The following KCNQ1OT1 variants were observed in gnomAD, a reference collection of about 807,000 sequenced individuals.
KCNQ1OT1 encodes KCNQ1 antisense RNA 2 (non-protein coding).
exon 1 of KCNQ1OT1, chr11:2,644,715 C>A: frequency 2.5e-6 from 1 of 398,478 alleles, no homozygotes. Flanking sequence ...GAGTCTTGTT[C>A]CTGAAGATAT....
exon 1 of KCNQ1OT1, chr11:2,667,699 T>C (rs2133864507): frequency 5.0e-6 from 2 of 398,698 alleles, no homozygotes; most frequent in Middle Eastern, 6.3e-4. Context: ...GGTGACCTAG[T>C]CAGGAAGTCT....
rs1849755451 is a variant in KCNQ1OT1, at chr11:2,651,455, A to G, written n.48540T>C. 5.0e-6 allele frequency: 2 copies of G among 398,636 alleles called. No homozygotes were observed. The highest frequency in any genetic ancestry group is 2.1e-5 in the African/African-American group (1 of 48,648). The allele number at this position is 398,636 out of a possible 1,614,324, so 24.7% of individuals were successfully genotyped here. A position where few individuals can be genotyped will look rare whatever the true frequency, so the allele number is the denominator to read the frequency against. ...TCAGCAAGTGCCTGAAGTCAGAGGT[A>G]GTGCTTATGAAAGTATCTGGTGGGC... On this transcript the variant is annotated non_coding_transcript_exon_variant, in exon 1 of 1. Transcript: ENST00000597346. The surrounding 1 kb of genome is among the most constrained non-coding windows in gnomAD (Gnocchi z 6.1).
exon 1 of KCNQ1OT1, chr11:2,680,021 G>A: frequency 2.5e-6 from 1 of 396,438 alleles, no homozygotes. Context: ...AGCCTCCCTA[G>A]TAGCTGGGAC....
At chr11:2,641,426 G>A (rs931052069) in exon 1 of KCNQ1OT1, 8 of 397,412 alleles carry the variant, frequency 2.0e-5, no homozygotes, top group African/African-American at 1.2e-4. Flanking sequence ...TTGGCTACTT[G>A]TATGTTTTCT....
At position 2,679,896 on chromosome 11, in the gene KCNQ1OT1, T is replaced by TA. The variant is rs1216478067; in HGVS notation, n.20098dup. The TA allele has an allele frequency of 1.0e-5, 4 of 397,944 alleles. No individual in the cohort carries two copies. Among genetic ancestry groups the TA allele is most frequent in the Non-Finnish European group, 1.8e-5 (4 of 226,030 alleles). 24.7% of individuals were successfully genotyped at this position (397,944 alleles called of 1,614,324 possible). ...GAACTAGCACGCCTAATTTTTTTTT[T>TA]ATTTTTATTTTTTTTGAGGCAGAGT... On this transcript the variant is annotated non_coding_transcript_exon_variant, in exon 1 of 1. Transcript: ENST00000597346. The surrounding 1 kb of genome is among the most constrained non-coding windows in gnomAD (Gnocchi z 4.8).
chr11:2,693,620 G>C, exon 1 of KCNQ1OT1: 1 of 398,606 alleles, frequency 2.5e-6, no homozygotes, highest in Non-Finnish European at 4.4e-6. Flanking sequence ...CAAGAGCTTC[G>C]CCCAGCCGTA....
rs552608899 is a variant in KCNQ1OT1, at chr11:2,618,305, G to A, written n.81690C>T. 1.8e-5 allele frequency: 7 copies of A among 398,334 alleles called. No individual in the cohort carries two copies. The East Asian group carries it at 2.1e-4, about 12-fold the overall frequency. 24.7% of individuals were successfully genotyped at this position (398,334 alleles called of 1,614,324 possible). ...ACACTAACAATAACAACAGCTGATG[G>A]GCTAAAAAAATGCAAAAAAATTCAA... On this transcript the variant is annotated non_coding_transcript_exon_variant, in exon 1 of 1. Transcript: ENST00000597346.
In KCNQ1OT1 at chr11:2,657,822, T is replaced by C; in HGVS notation, n.42173A>G. On this transcript the variant is annotated non_coding_transcript_exon_variant, in exon 1 of 1. Coordinates refer to ENST00000597346, the Ensembl canonical transcript of KCNQ1OT1. This position sits in a 1 kb window ranked among gnomAD's most constrained non-coding sequence, Gnocchi z 4.8. The stretch of plus-strand genomic sequence containing the variant: ...GGTGTCATTGTCCCTCAGTTTGGAT[T>C]TGTCTGGTGTTTTCTCAGGACTAGA... The C allele has an allele frequency of 2.5e-6, 1 of 398,636 alleles. No homozygotes were observed. The highest frequency in any genetic ancestry group is 4.4e-6 in the Non-Finnish European group (1 of 226,070). The allele number at this position is 398,636 out of a possible 1,614,324, so 24.7% of individuals were successfully genotyped here.
At position 2,694,264 on chromosome 11, in the gene KCNQ1OT1, G is replaced by T. The variant is rs1033240917; in HGVS notation, n.5731C>A. 19 of 398,544 alleles carry T rather than the reference G, an allele frequency of 4.8e-5. No individual in the cohort carries two copies. The highest frequency in any genetic ancestry group is 8.0e-5 in the Non-Finnish European group (18 of 226,096). The allele number at this position is 398,544 out of a possible 1,614,324, so 24.7% of individuals were successfully genotyped here. A position where few individuals can be genotyped will look rare whatever the true frequency, so the allele number is the denominator to read the frequency against. On this transcript the variant is annotated non_coding_transcript_exon_variant, in exon 1 of 1. Transcript: ENST00000597346. ...CAAGCCAGGGCCTGCTGCCTTTAAAGAGCCACAGCAGAGACACCATCCCAG... is the reference window on the plus strand; with the variant it reads ...CAAGCCAGGGCCTGCTGCCTTTAAATAGCCACAGCAGAGACACCATCCCAG...
chr11:2,673,831 C>T lies in KCNQ1OT1; in HGVS notation n.26164G>A. 2.5e-6 allele frequency: 1 copy of T among 398,800 alleles called. No individual in the cohort carries two copies. The highest frequency in any genetic ancestry group is 4.4e-6 in the Non-Finnish European group (1 of 226,204). 24.7% of individuals were successfully genotyped at this position (398,800 alleles called of 1,614,324 possible). ...TTCAATCCCAGGCCCACAAGCACCACAGCCAGGAGAGTCAAGGTTGGATAT... is the reference window on the plus strand; with the variant it reads ...TTCAATCCCAGGCCCACAAGCACCATAGCCAGGAGAGTCAAGGTTGGATAT... On this transcript the variant is annotated non_coding_transcript_exon_variant, in exon 1 of 1. Coordinates refer to ENST00000597346, the Ensembl canonical transcript of KCNQ1OT1. The surrounding 1 kb of genome is among the most constrained non-coding windows in gnomAD (Gnocchi z 4.5).
chr11:2,647,898 T>A lies in KCNQ1OT1; in HGVS notation n.52097A>T, dbSNP rs146248373. 1.7e-3 allele frequency: 665 copies of A among 398,490 alleles called. 5 individuals carry two copies. Among genetic ancestry groups the A allele is most frequent in the African/African-American group, 0.011 (539 of 48,686 alleles). The allele number at this position is 398,490 out of a possible 1,614,324, so 24.7% of individuals were successfully genotyped here. A position where few individuals can be genotyped will look rare whatever the true frequency, so the allele number is the denominator to read the frequency against. On this transcript the variant is annotated non_coding_transcript_exon_variant, in exon 1 of 1. Transcript: ENST00000597346. The surrounding 1 kb of genome is among the most constrained non-coding windows in gnomAD (Gnocchi z 4.0). The stretch of plus-strand genomic sequence containing the variant: ...TTCTTGGTTAGTCTAGCTAATGGTT[T>A]ATTGATTTTCTCTTTTCAAAAAATC...
rs189162674 is a variant in KCNQ1OT1 at position 2,658,396 on chromosome 11, T to C, written n.41599A>G. ...TTTTTTGAGTTATAGTCCAATATTA[T>C]TTATTTTGTTGCTCAAATTGTTCAA... On this transcript the variant is annotated non_coding_transcript_exon_variant, in exon 1 of 1. Coordinates refer to ENST00000597346, the Ensembl canonical transcript of KCNQ1OT1. This position sits in a 1 kb window ranked among gnomAD's most constrained non-coding sequence, Gnocchi z 4.9. 25 of 398,604 alleles carry C rather than the reference T, an allele frequency of 6.3e-5. No homozygotes were observed. Among genetic ancestry groups the C allele is most frequent in the African/African-American group, 4.7e-4 (23 of 48,744 alleles). The allele number at this position is 398,604 out of a possible 1,614,324, so 24.7% of individuals were successfully genotyped here.
chr11:2,617,558 A>C lies in KCNQ1OT1; in HGVS notation n.82437T>G. ...GATATCTTTATGAGGTGGAGATTTC[A>C]TTTTCTTTGGGAATATACCTAGAAG... is the stretch of plus-strand genomic sequence containing the variant. On this transcript the variant is annotated non_coding_transcript_exon_variant, in exon 1 of 1. Coordinates refer to ENST00000597346, the Ensembl canonical transcript of KCNQ1OT1. This position sits in a 1 kb window ranked among gnomAD's most constrained non-coding sequence, Gnocchi z 4.6. 1 of 398,436 alleles carries C rather than the reference A, an allele frequency of 2.5e-6. No homozygotes were observed. Among genetic ancestry groups the C allele is most frequent in the Non-Finnish European group, 4.4e-6 (1 of 225,954 alleles). The allele number at this position is 398,436 out of a possible 1,614,324, so 24.7% of individuals were successfully genotyped here.
At position 2,620,585 on chromosome 11, in the gene KCNQ1OT1, C is replaced by T. The variant is rs1849153771; in HGVS notation, n.79410G>A. The T allele has an allele frequency of 2.5e-6, 1 of 397,168 alleles. No homozygotes were observed. Among genetic ancestry groups the T allele is most frequent in the African/African-American group, 2.1e-5 (1 of 48,596 alleles). 24.6% of individuals were successfully genotyped at this position (397,168 alleles called of 1,614,324 possible). A position where few individuals can be genotyped will look rare whatever the true frequency, so the allele number is the denominator to read the frequency against. The stretch of plus-strand genomic sequence containing the variant: ...TGTACCACATTTTCTTTATCCAATC[C>T]ACCACTGATGGGCATCTAAGTGGAT... On this transcript the variant is annotated non_coding_transcript_exon_variant, in exon 1 of 1. Coordinates refer to ENST00000597346, the Ensembl canonical transcript of KCNQ1OT1. The surrounding 1 kb of genome is among the most constrained non-coding windows in gnomAD (Gnocchi z 4.5).
exon 1 of KCNQ1OT1, chr11:2,667,524 C>T (rs1348837832): frequency 3.1e-6 from 1 of 325,576 alleles, no homozygotes; most frequent in African/African-American, 2.3e-5. Flanking sequence ...GGGCAAAGGA[C>T]TTCACAACTG....
chr11:2,639,376 A>G (rs576314379), exon 1 of KCNQ1OT1: 1 of 152,308 alleles, frequency 6.6e-6, no homozygotes, highest in Admixed American at 6.5e-5. Flanking sequence ...ATGGTGACGT[A>G]TAGATGGAGT....
At chr11:2,629,384 A>T (rs1327893368) in exon 1 of KCNQ1OT1, 1 of 398,474 alleles carries the variant, frequency 2.5e-6, no homozygotes, top group African/African-American at 2.1e-5. Context: ...TTCATATTAT[A>T]TCCAAATGAA....
At position 2,679,918 on chromosome 11, in the gene KCNQ1OT1, G is replaced by A. The variant is rs918549239; in HGVS notation, n.20077C>T. On this transcript the variant is annotated non_coding_transcript_exon_variant, in exon 1 of 1. Transcript: ENST00000597346. This position sits in a 1 kb window ranked among gnomAD's most constrained non-coding sequence, Gnocchi z 4.8. Reference sequence around the variant, plus strand: ...TTTTATTTTTATTTTTTTTGAGGCAGAGTCTCACTTTGTCACCTAGGCGGG... The same window carrying A: ...TTTTATTTTTATTTTTTTTGAGGCAAAGTCTCACTTTGTCACCTAGGCGGG... The A allele has an allele frequency of 2.5e-6, 1 of 397,276 alleles. No individual in the cohort carries two copies. The highest frequency in any genetic ancestry group is 4.4e-6 in the Non-Finnish European group (1 of 225,914). The allele number at this position is 397,276 out of a possible 1,614,324, so 24.6% of individuals were successfully genotyped here. A position where few individuals can be genotyped will look rare whatever the true frequency, so the allele number is the denominator to read the frequency against.
exon 1 of KCNQ1OT1, chr11:2,614,106 T>C (rs1050794984): frequency 2.5e-6 from 1 of 398,548 alleles, no homozygotes; most frequent in Non-Finnish European, 4.4e-6. Flanking sequence ...GCAGCTATGC[T>C]CACCATTCTT....
Sources: gnomAD v4.1 joint callset for allele counts on GRCh38, gnomAD v4.1.1 for gene constraint, Gnocchi (gnomAD v3.1) non-coding constraint, MANE v1.5 for transcripts, NCBI Gene and HGNC (gene_info 2026-07-23, HGNC 2026-07-21) for gene names.